ESRRG: variants seen among roughly 807,000 people sequenced by gnomAD.
ESRRG encodes estrogen-related receptor gamma.
Under a neutral mutation model 44.0 loss-of-function variants are expected in ESRRG, and 13 were observed. The ratio of observed to expected loss-of-function variants is 0.30; its 90% confidence interval spans 0.19 to 0.47. The LOEUF is 0.47. ESRRG is among the 20% of genes least tolerant of loss of function. ESRRG has a pLI of 1.00. For synonymous variants in ESRRG, 215 were observed against 214.6 expected (o/e 1.00, Z -0.02); for missense variants, 395 against 580.6 (o/e 0.68, Z 3.29).
At chr1:216,535,305 T>A (rs781699214) in intron 5 of ESRRG, among the ~76,000 whole-genome samples, 7 of 152,066 alleles carry the variant, frequency 4.6e-5, no homozygotes, top group Non-Finnish European at 8.8e-5. Context: ...CTCTCTCTGG[T>A]CTATGGTATG....
intron 5 of ESRRG, among the ~76,000 whole-genome samples, chr1:216,562,969 T>C (rs2059057452): frequency 1.3e-5 from 2 of 152,296 alleles, no homozygotes; most frequent in South Asian, 2.1e-4. Flanking sequence ...CTAAAAGTCA[T>C]ACAGATGTGA....
chr1:217,014,490 T>C (rs1287904032), intron 1 of ESRRG, among the ~76,000 whole-genome samples: 2 of 152,206 alleles, frequency 1.3e-5, no homozygotes, highest in Admixed American at 6.5e-5. Context: ...ACAAGTGCTT[T>C]CCAATATGGC....
chr1:216,922,370 C>T (rs969962351), intron 2 of ESRRG, among the ~76,000 whole-genome samples: 1 of 152,150 alleles, frequency 6.6e-6, no homozygotes, highest in Non-Finnish European at 1.5e-5. Context: ...TCAGACACAA[C>T]CTTTTTAGTT....
At chr1:216,762,335 GA>G (rs2092824394) in intron 2 of ESRRG, among the ~76,000 whole-genome samples, 1 of 152,032 alleles carries the variant, frequency 6.6e-6, no homozygotes, top group Non-Finnish European at 1.5e-5. Context: ...ACTGGATTAA[GA>G]AAATGTGGCG....
chr1:216,510,150 T>C (rs971849034), intron 6 of ESRRG, among the ~76,000 whole-genome samples: 1 of 152,170 alleles, frequency 6.6e-6, no homozygotes, highest in Admixed American at 6.5e-5. Flanking sequence ...CTTAAAAATC[T>C]TGGATACTGG....
chr1:216,873,639 C>A (rs2096292270), intron 2 of ESRRG, among the ~76,000 whole-genome samples: 1 of 151,768 alleles, frequency 6.6e-6, no homozygotes, highest in Non-Finnish European at 1.5e-5. Context: ...CTTTAGTTAT[C>A]CTACTCAGCC....
At chr1:217,023,746 C>T (rs547043787) in intron 1 of ESRRG, among the ~76,000 whole-genome samples, 8 of 152,152 alleles carry the variant, frequency 5.3e-5, no homozygotes, top group Non-Finnish European at 8.8e-5. Context: ...TTCCCCACCC[C>T]GACCCTTGCC....
intron 3 of ESRRG, among the ~76,000 whole-genome samples, chr1:216,602,946 A>G (rs951044039): frequency 6.6e-6 from 1 of 152,162 alleles, no homozygotes; most frequent in Non-Finnish European, 1.5e-5. Context: ...GTGTTAAACT[A>G]CATCTATATA....
intron 2 of ESRRG, among the ~76,000 whole-genome samples, chr1:216,939,394 T>C (rs2064825986): frequency 7.7e-6 from 1 of 129,502 alleles, no homozygotes; most frequent in African/African-American, 2.8e-5. Context: ...TTTAAAATGA[T>C]GTTTTTACAT....
chr1:216,926,109 G>A (rs1415816171), intron 2 of ESRRG, among the ~76,000 whole-genome samples: 1 of 152,202 alleles, frequency 6.6e-6, no homozygotes, highest in Admixed American at 6.5e-5. Context: ...GGGATGGATG[G>A]ACCAGTGTTT....
intron 3 of ESRRG, among the ~76,000 whole-genome samples, chr1:216,614,666 G>A (rs2061164350): frequency 6.6e-6 from 1 of 152,162 alleles, no homozygotes; most frequent in South Asian, 2.1e-4. Flanking sequence ...TCTAGTGCAG[G>A]GGGAAGTGTT....
chr1:216,860,873 G>C lies in ESRRG; in HGVS notation c.-14+78709C>G, dbSNP rs72741413. Among the ~76,000 whole-genome samples, 604 of 152,182 alleles carry C rather than the reference G, an allele frequency of 4.0e-3. 2 individuals carry two copies. Among genetic ancestry groups the C allele is most frequent in the Non-Finnish European group, 6.4e-3 (436 of 67,972 alleles). ...ATTATTAGTACATCTCTTTAACAATGTACTGTTTAAACAAAAATCATAACG... is the reference window on the plus strand; with the variant it reads ...ATTATTAGTACATCTCTTTAACAATCTACTGTTTAAACAAAAATCATAACG... On this transcript the variant is annotated intron_variant, in intron 2 of 7. Transcript: ENST00000359162.
chr1:216,620,470 A>T (rs1301614800), intron 3 of ESRRG, among the ~76,000 whole-genome samples: 1 of 152,082 alleles, frequency 6.6e-6, no homozygotes, highest in Non-Finnish European at 1.5e-5. Context: ...TCCATTGTTC[A>T]TTTTCTCAAA....
intron 1 of ESRRG, among the ~76,000 whole-genome samples, chr1:217,102,449 T>C (rs1580579890): frequency 6.6e-6 from 1 of 152,332 alleles, no homozygotes; most frequent in East Asian, 1.9e-4. Context: ...AAACTCCTCT[T>C]TTACAGATGA....
At chr1:217,094,576 A>G (rs1025605018), upstream of ESRRG, among the ~76,000 whole-genome samples, 1 of 152,234 alleles carries the variant, frequency 6.6e-6, no homozygotes, top group Non-Finnish European at 1.5e-5. Context: ...CTCTACCAAT[A>G]CAACAAAATA....
chr1:216,712,443 A>T (rs892211211), intron 1 of ESRRG, among the ~76,000 whole-genome samples: 1 of 152,234 alleles, frequency 6.6e-6, no homozygotes, highest in African/African-American at 2.4e-5. Flanking sequence ...TCAGTGTATC[A>T]GCAGTAGTGG....
intron 2 of ESRRG, among the ~76,000 whole-genome samples, chr1:216,674,423 A>G (rs2075737601): frequency 6.6e-6 from 1 of 152,216 alleles, no homozygotes; most frequent in Non-Finnish European, 1.5e-5. Context: ...AATATCAATA[A>G]ATATAGCAAC....
chr1:216,795,573 T>C (rs1266222032), intron 2 of ESRRG, among the ~76,000 whole-genome samples: 4 of 151,964 alleles, frequency 2.6e-5, no homozygotes, highest in African/African-American at 9.7e-5. Flanking sequence ...ACTCCTGACC[T>C]CAAGTGATCC....
chr1:216,795,253 A>C (rs1026955485), intron 2 of ESRRG, among the ~76,000 whole-genome samples: 1 of 151,912 alleles, frequency 6.6e-6, no homozygotes, highest in African/African-American at 2.4e-5. Flanking sequence ...TCTTTAATGT[A>C]TATCTATTTT....
Sources: allele counts gnomAD v4.1 joint callset (sites outside exome capture counted in the v4.1 genomes callset), GRCh38; gene constraint gnomAD v4.1.1; transcripts MANE v1.5; gene names NCBI Gene and HGNC (gene_info 2026-07-23, HGNC 2026-07-21).